The following TNFAIP8L3 variants were observed in gnomAD, a reference collection of about 807,000 sequenced individuals.
TNFAIP8L3 encodes tumor necrosis factor alpha-induced protein 8-like protein 3.
In TNFAIP8L3, 7 loss-of-function variants were observed where a neutral mutation model predicts 11.8. That is an observed-to-expected ratio of 0.59 (90% CI 0.34 to 1.11). TNFAIP8L3 has a LOEUF of 1.11. Among genes scored for constraint, TNFAIP8L3 ranks in the 50% most tolerant of loss-of-function variants. TNFAIP8L3 has a pLI of 0.03. For synonymous variants in TNFAIP8L3, 98 were observed against 103.8 expected (o/e 0.94, Z 0.34); for missense variants, 219 against 258.6 (o/e 0.85, Z 1.05).
At chr15:51,103,805 T>C (rs1282402723) in intron 1 of TNFAIP8L3, among the ~76,000 whole-genome samples, 2 of 152,218 alleles carry the variant, frequency 1.3e-5, no homozygotes, top group African/African-American at 4.8e-5. Context: ...TTAACTTCTC[T>C]TGATGAAATT....
chr15:51,075,109 T>TTC (rs2065340413), intron 1 of TNFAIP8L3, among the ~76,000 whole-genome samples: 1 of 152,246 alleles, frequency 6.6e-6, no homozygotes, highest in Admixed American at 6.5e-5. Context: ...AGCGTGTTTG[T>TTC]TCTTGTTCTT....
intron 1 of TNFAIP8L3, among the ~76,000 whole-genome samples, chr15:51,087,338 C>A (rs974025854): frequency 6.6e-6 from 1 of 152,188 alleles, no homozygotes; most frequent in Non-Finnish European, 1.5e-5. Flanking sequence ...ACCTACCTCC[C>A]GTATTTGACT....
In TNFAIP8L3 at chr15:51,094,494, T is replaced by C; in HGVS notation, c.52+50A>G. The C allele has an allele frequency of 2.1e-6, 3 of 1,422,870 alleles. No homozygotes were observed. The highest frequency in any genetic ancestry group is 2.8e-6 in the Non-Finnish European group (3 of 1,090,452). 88.1% of individuals were successfully genotyped at this position (1,422,870 alleles called of 1,614,324 possible). On this transcript the variant is annotated intron_variant, in intron 1 of 1. Transcript: ENST00000637513. The surrounding 1 kb of genome is among the most constrained non-coding windows in gnomAD (Gnocchi z 4.4). ...CCCGATTTCATGCCCCAGCCTCCCG[T>C]CCTCCCCAGCCCCAGCCCACCCGCC...
upstream of TNFAIP8L3, among the ~76,000 whole-genome samples, chr15:51,097,552 GA>G (rs1437334656): frequency 1.3e-5 from 2 of 152,180 alleles, no homozygotes; most frequent in Non-Finnish European, 1.5e-5. Context: ...AAATTGAATT[GA>G]ATGTGGAATT....
chr15:51,069,935 G>C (rs2140968175), intron 1 of TNFAIP8L3, among the ~76,000 whole-genome samples: 1 of 152,284 alleles, frequency 6.6e-6, no homozygotes, highest in East Asian at 1.9e-4. Context: ...AAACATTAAA[G>C]GCCTCAGTTT....
chr15:51,101,822 T>C (rs1475333652), intron 1 of TNFAIP8L3, among the ~76,000 whole-genome samples: 1 of 149,944 alleles, frequency 6.7e-6, no homozygotes, highest in Non-Finnish European at 1.5e-5. Flanking sequence ...GGCGGGCGCC[T>C]GTAGTCCCAG....
intron 1 of TNFAIP8L3, among the ~76,000 whole-genome samples, chr15:51,077,850 T>C (rs1181062883): frequency 6.6e-6 from 1 of 152,220 alleles, no homozygotes; most frequent in Non-Finnish European, 1.5e-5. Context: ...ATTCAGTCTG[T>C]GAGGTGGAAG....
intron 1 of TNFAIP8L3, among the ~76,000 whole-genome samples, chr15:51,074,994 G>T (rs2065339616): frequency 6.6e-6 from 1 of 152,214 alleles, no homozygotes; most frequent in Non-Finnish European, 1.5e-5. Flanking sequence ...TTGATGCTCA[G>T]AAGACCTGTG....
chr15:51,078,971 C>T (rs1293794582), intron 1 of TNFAIP8L3, among the ~76,000 whole-genome samples: 4 of 152,152 alleles, frequency 2.6e-5, no homozygotes, highest in Non-Finnish European at 5.9e-5. Context: ...TTCTATTTTC[C>T]ACACCAGGCT....
chr15:51,093,008 C>G (rs1162686297), intron 1 of TNFAIP8L3, among the ~76,000 whole-genome samples: 2 of 152,162 alleles, frequency 1.3e-5, no homozygotes, highest in African/African-American at 4.8e-5. Context: ...GGTCAATGTC[C>G]CCTTCCCGCT....
Position 51,057,714 on chromosome 15 carries a change from A to G in TNFAIP8L3, c.*167T>C. ...AACCTTGCTAGAAAGCTTGGAAGAAAAACACACCTGAGCTCAGTTCAGCAT... is the reference window on the plus strand; with the variant it reads ...AACCTTGCTAGAAAGCTTGGAAGAAGAACACACCTGAGCTCAGTTCAGCAT... On this transcript the variant is annotated 3_prime_UTR_variant, in exon 2 of 2. Coordinates refer to ENST00000637513, the MANE Select transcript of TNFAIP8L3 (RefSeq NM_001311175.2). 2 of 623,482 alleles carry G rather than the reference A, an allele frequency of 3.2e-6. No homozygotes were observed. Among genetic ancestry groups the G allele is most frequent in the Non-Finnish European group, 5.3e-6 (2 of 379,410 alleles). The allele number at this position is 623,482 out of a possible 1,614,324, so 38.6% of individuals were successfully genotyped here. A position where few individuals can be genotyped will look rare whatever the true frequency, so the allele number is the denominator to read the frequency against.
rs1305528873 is a variant in TNFAIP8L3 at position 51,094,572 on chromosome 15, C to G, written c.24G>C (p.Gln8His). 2.0e-6 allele frequency: 3 copies of G among 1,503,162 alleles called. No homozygotes were observed. Among genetic ancestry groups the G allele is most frequent in the South Asian group, 2.5e-5 (2 of 81,468 alleles). The allele number at this position is 1,503,162 out of a possible 1,614,324, so 93.1% of individuals were successfully genotyped here. A position where few individuals can be genotyped will look rare whatever the true frequency, so the allele number is the denominator to read the frequency against. MDSDSGEQSEGEPVTAAG... is the reference protein window; with the variant it reads MDSDSGEHSEGEPVTAAG... Reference sequence around the variant, plus strand: ...CGGCGGTCACGGGCTCGCCCTCGCTCTGCTCCCCGGAATCCGAATCCATGC... The same window carrying G: ...CGGCGGTCACGGGCTCGCCCTCGCTGTGCTCCCCGGAATCCGAATCCATGC... The change falls in exon 1 of 2, where the codon CAG becomes CAC. Residue 8 changes from glutamine (Q) to histidine (H), a missense_variant. Transcript: ENST00000637513. This position sits in a 1 kb window ranked among gnomAD's most constrained non-coding sequence, Gnocchi z 4.4.
chr15:51,093,096 G>A (rs2065484197), intron 1 of TNFAIP8L3, among the ~76,000 whole-genome samples: 1 of 152,212 alleles, frequency 6.6e-6, no homozygotes, highest in Non-Finnish European at 1.5e-5. Context: ...AGTCACCTGT[G>A]AAGCAAAATC....
At chr15:51,071,670 T>C (rs1464091619) in intron 1 of TNFAIP8L3, among the ~76,000 whole-genome samples, 2 of 152,254 alleles carry the variant, frequency 1.3e-5, no homozygotes, top group Non-Finnish European at 2.9e-5. Flanking sequence ...AGTGTCTCCT[T>C]GTGCGCACAC....
chr15:51,062,411 G>A (rs1203027290), intron 1 of TNFAIP8L3, among the ~76,000 whole-genome samples: 1 of 152,240 alleles, frequency 6.6e-6, no homozygotes, highest in Non-Finnish European at 1.5e-5. Flanking sequence ...AACAGTGGAA[G>A]AAAGGGAGAT....
At chr15:51,068,360 T>C (rs551298339) in intron 1 of TNFAIP8L3, among the ~76,000 whole-genome samples, 15 of 152,144 alleles carry the variant, frequency 9.9e-5, no homozygotes, top group African/African-American at 3.6e-4. Context: ...TGGGTGGAGA[T>C]AGTGACACCA....
chr15:51,079,855 CAAAAAAAAAAAAAA>C (rs10602536), intron 1 of TNFAIP8L3, among the ~76,000 whole-genome samples: 2 of 77,624 alleles, frequency 2.6e-5, no homozygotes, highest in Admixed American at 1.6e-4. Context: ...GACTTTGTCT[CAAAAAAAAAAAAAA>C]AAAAAAAAAA....
chr15:51,103,769 T>C (rs1012680883), intron 1 of TNFAIP8L3, among the ~76,000 whole-genome samples: 5 of 152,206 alleles, frequency 3.3e-5, no homozygotes, highest in African/African-American at 9.7e-5. Context: ...ACTCGGTTCA[T>C]CCTCCACATT....
At chr15:51,067,309 G>A (rs1279039973) in intron 1 of TNFAIP8L3, among the ~76,000 whole-genome samples, 1 of 152,096 alleles carries the variant, frequency 6.6e-6, no homozygotes, top group Non-Finnish European at 1.5e-5. Context: ...GGAGCCACCT[G>A]CCTTGAAGAC....
Sources: allele counts gnomAD v4.1 joint callset (sites outside exome capture counted in the v4.1 genomes callset), GRCh38; gene constraint gnomAD v4.1.1; non-coding constraint Gnocchi (gnomAD v3.1); transcripts MANE v1.5; gene names NCBI Gene and HGNC (gene_info 2026-07-23, HGNC 2026-07-21).